DST: variants seen among roughly 807,000 people sequenced by gnomAD.
The protein encoded by DST is dystonin, also known as bullous pemphigoid antigen.
Under a neutral mutation model 875.2 loss-of-function variants are expected in DST, and 253 were observed. That is an observed-to-expected ratio of 0.29 (90% CI 0.26 to 0.32). DST has a LOEUF of 0.32. Ranked by LOEUF, DST falls within the 10% of genes least tolerant of loss-of-function variation. The pLI is 1.00. For missense variants in DST, 8,287 were observed against 9,111.6 expected (o/e 0.91, Z 3.68); for synonymous variants, 3,124 against 3,197.1 (o/e 0.98, Z 0.77).
chr6:56,611,605 T>C lies in DST; in HGVS notation c.5059-9A>G. The C allele has an allele frequency of 6.3e-7, 1 of 1,583,360 alleles. No individual in the cohort carries two copies. The highest frequency in any genetic ancestry group is 8.7e-7 in the Non-Finnish European group (1 of 1,154,292). On this transcript the variant is annotated splice_polypyrimidine_tract_variant and intron_variant, in intron 37 of 103. Coordinates refer to ENST00000680361, the MANE Select transcript of DST (RefSeq NM_001374736.1). ...ATTTCCTCACTGGAAATCTGTAAGG[T>C]AAAGAAGGCACATTCAAACTCTTCC...
intron 2 of DST, among the ~76,000 whole-genome samples, chr6:56,928,945 T>C (rs554681490): frequency 6.5e-4 from 99 of 152,204 alleles, no homozygotes; most frequent in African/African-American, 2.2e-3. Flanking sequence ...ATAGGAAAAC[T>C]AAAAATCATA....
At chr6:56,882,489 C>A (rs1194113345) in intron 3 of DST, among the ~76,000 whole-genome samples, 1 of 152,200 alleles carries the variant, frequency 6.6e-6, no homozygotes, top group Non-Finnish European at 1.5e-5. Flanking sequence ...TTCAAACTTT[C>A]TTAATTAAGC....
intron 3 of DST, among the ~76,000 whole-genome samples, chr6:56,889,948 A>G (rs535060036): frequency 5.4e-4 from 82 of 152,358 alleles, no homozygotes; most frequent in African/African-American, 1.9e-3. Flanking sequence ...ATAGGTTTTA[A>G]TTGATGTAAT....
chr6:56,902,183 T>C (rs1430186942), intron 2 of DST, among the ~76,000 whole-genome samples: 1 of 152,192 alleles, frequency 6.6e-6, no homozygotes, highest in African/African-American at 2.4e-5. Context: ...TATTTGATAA[T>C]GTGCTGGTAT....
intron 9 of DST, among the ~76,000 whole-genome samples, chr6:56,690,848 G>T (rs1271840284): frequency 3.3e-5 from 5 of 152,160 alleles, no homozygotes; most frequent in African/African-American, 1.2e-4. Context: ...GTAACAGGAA[G>T]AATGTCCTAA....
chr6:56,893,562 C>CTTTTTTTTTTTTTGTTT (rs1788733995), intron 3 of DST, among the ~76,000 whole-genome samples: 1 of 35,908 alleles, frequency 2.8e-5, no homozygotes, highest in Non-Finnish European at 5.1e-5. Flanking sequence ...ACTTTTAGTT[C>CTTTTTTTTTTTTTGTTT]TTTTTTTTTT....
rs201346012 is a variant in DST, at chr6:56,593,709, C to T, written c.12680G>A (p.Arg4227His). The T allele has an allele frequency of 4.1e-4, 657 of 1,612,004 alleles. 2 individuals are homozygous for T. The highest frequency in any genetic ancestry group is 5.2e-4 in the Non-Finnish European group (610 of 1,178,726). Reference sequence around the variant, plus strand: ...CCGATCAGTAGCATGATCCAACTTGCGCTGCACTTCTCTGTGGGTTGCAGA... The same window carrying T: ...CCGATCAGTAGCATGATCCAACTTGTGCTGCACTTCTCTGTGGGTTGCAGA... Reference protein sequence around the residue: ...DTSATHREVQRKLDHATDRFR... With the variant: ...DTSATHREVQHKLDHATDRFR... Residue 4227 changes from arginine (R) to histidine (H), a missense_variant, in exon 48 of 104, where the codon CGC becomes CAC. Physicochemically the swap from Arg to His is conservative, Grantham distance 29 (BLOSUM62 0). Coordinates refer to ENST00000680361, the MANE Select transcript of DST (RefSeq NM_001374736.1).
At chr6:56,773,855 C>T (rs1031157048) in intron 4 of DST, among the ~76,000 whole-genome samples, 3 of 152,124 alleles carry the variant, frequency 2.0e-5, no homozygotes, top group South Asian at 2.1e-4. Context: ...CGGTGGCTCA[C>T]GCCTGTAATC....
chr6:56,715,399 A>G (rs2099391285), intron 5 of DST, among the ~76,000 whole-genome samples: 1 of 152,214 alleles, frequency 6.6e-6, no homozygotes, highest in African/African-American at 2.4e-5. Context: ...TAAGGAGCAC[A>G]GAATGACACC....
intron 36 of DST, among the ~76,000 whole-genome samples, chr6:56,622,292 TGGGCAC>T (rs1174396247): frequency 6.6e-6 from 1 of 152,160 alleles, no homozygotes; most frequent in African/African-American, 2.4e-5. Flanking sequence ...GAATCTCGGC[TGGGCAC>T]GGTGGCTCAT....
intron 4 of DST, among the ~76,000 whole-genome samples, chr6:56,741,959 T>A (rs1254391623): frequency 1.3e-5 from 2 of 152,026 alleles, no homozygotes; most frequent in African/African-American, 4.8e-5. Flanking sequence ...GGGGAACAAA[T>A]AAATGCAAAA....
chr6:56,791,418 G>A lies in DST; in HGVS notation c.626-56129C>T, dbSNP rs1309510478. Reference sequence around the variant, plus strand: ...CTGGGAACCAGGGATATAAAAGTGGGAGAAGGTTTAAAAAAAAGAAACCTA... The same window carrying A: ...CTGGGAACCAGGGATATAAAAGTGGAAGAAGGTTTAAAAAAAAGAAACCTA... On this transcript the variant is annotated intron_variant, in intron 4 of 103. Coordinates refer to ENST00000680361, the MANE Select transcript of DST (RefSeq NM_001374736.1). Among the ~76,000 whole-genome samples, 3 of 152,076 alleles carry A rather than the reference G, an allele frequency of 2.0e-5. No individual in the cohort carries two copies. The South Asian group carries it at 6.2e-4, about 31-fold the overall frequency.
chr6:56,783,766 TATG>T (rs966019866), intron 4 of DST, among the ~76,000 whole-genome samples: 1 of 152,222 alleles, frequency 6.6e-6, no homozygotes, highest in African/African-American at 2.4e-5. Flanking sequence ...ATCCTGTCAT[TATG>T]ATGTTAGCTG....
At chr6:56,747,201 G>A (rs1178536679) in intron 4 of DST, among the ~76,000 whole-genome samples, 1 of 152,188 alleles carries the variant, frequency 6.6e-6, no homozygotes, top group Admixed American at 6.5e-5. Context: ...CCAGACACAG[G>A]ACAAGAGTAG....
intron 4 of DST, among the ~76,000 whole-genome samples, chr6:56,739,442 C>T (rs1308409835): frequency 6.6e-6 from 1 of 152,088 alleles, no homozygotes; most frequent in Non-Finnish European, 1.5e-5. Context: ...ACTCACTCTT[C>T]ATCCTAGCAT....
rs1251406947 is a variant in DST, at chr6:56,458,393, AT to A, written c.*611del. 6.6e-6 allele frequency: 1 copy of A among 152,324 alleles called. No individual in the cohort carries two copies. Among genetic ancestry groups the A allele is most frequent in the Non-Finnish European group, 1.5e-5 (1 of 68,048 alleles). The allele number at this position is 152,324 out of a possible 1,614,324, so 9.4% of individuals were successfully genotyped here. A position where few individuals can be genotyped will look rare whatever the true frequency, so the allele number is the denominator to read the frequency against. On this transcript the variant is annotated 3_prime_UTR_variant, in exon 104 of 104. Coordinates refer to ENST00000680361, the MANE Select transcript of DST (RefSeq NM_001374736.1). ...TTTATACTTATATTCTTACAGTATA[AT>A]AGGTCTAATATCCAGGATGCCTCTG...
chr6:56,831,245 G>A (rs1229129403), intron 4 of DST, among the ~76,000 whole-genome samples: 1 of 152,144 alleles, frequency 6.6e-6, no homozygotes, highest in Non-Finnish European at 1.5e-5. Context: ...CATAACATAT[G>A]TATGATAAAG....
chr6:56,799,020 T>A (rs1229197747), intron 4 of DST, among the ~76,000 whole-genome samples: 1 of 152,224 alleles, frequency 6.6e-6, no homozygotes. Context: ...TTCTTATGGA[T>A]CAGCAAAGAA....
At chr6:56,507,515 A>C (rs1412238065) in intron 75 of DST, among the ~76,000 whole-genome samples, 1 of 152,236 alleles carries the variant, frequency 6.6e-6, no homozygotes, top group Non-Finnish European at 1.5e-5. Flanking sequence ...ACACAGATGC[A>C]CTAACTCTGC....
Sources: allele counts gnomAD v4.1 joint callset (sites outside exome capture counted in the v4.1 genomes callset), GRCh38; gene constraint gnomAD v4.1.1; transcripts MANE v1.5; gene names NCBI Gene and HGNC (gene_info 2026-07-23, HGNC 2026-07-21).